SEPTIN2: variants seen among roughly 807,000 people sequenced by gnomAD.
The protein encoded by SEPTIN2 is septin-2.
A neutral mutation model predicts 46.5 loss-of-function variants in SEPTIN2; 34 were observed. The observed-to-expected ratio is 0.73, with a 90% CI of 0.56 to 0.97. SEPTIN2 has a LOEUF of 0.97. Among genes scored for constraint, SEPTIN2 ranks in the 50% least tolerant of loss-of-function variants. The pLI is 0.00. For missense variants in SEPTIN2, 347 were observed against 448.4 expected (o/e 0.77, Z 2.04); for synonymous variants, 175 against 153.4 (o/e 1.14, Z -1.04).
At chr2:241,326,873 A>C (rs2078060353) in intron 3 of SEPTIN2, among the ~76,000 whole-genome samples, 1 of 152,092 alleles carries the variant, frequency 6.6e-6, no homozygotes, top group Non-Finnish European at 1.5e-5. Context: ...CAGGAGTTGA[A>C]GATCAGGCTG....
chr2:241,335,440 G>C, intron 4 of SEPTIN2: 2 of 1,187,348 alleles, frequency 1.7e-6, no homozygotes, highest in Non-Finnish European at 2.4e-6. Flanking sequence ...GAGTTTGTCT[G>C]TAAAATGTAA....
At chr2:241,327,929 G>A (rs958951877) in intron 3 of SEPTIN2, among the ~76,000 whole-genome samples, 6 of 152,026 alleles carry the variant, frequency 3.9e-5, no homozygotes, top group African/African-American at 1.2e-4. Flanking sequence ...GGGGGATGCC[G>A]GTAGTCACAG....
At chr2:241,343,679 A>G (rs6707518) in intron 8 of SEPTIN2, 73 bp from the exon 9 acceptor site, 1,198,401 of 1,550,066 alleles carry the variant, frequency 0.77, 466,245 homozygotes, top group Admixed American at 0.86. Flanking sequence ...AGTCTGTGCT[A>G]ATGTTCTCGT....
intron 7 of SEPTIN2, 23 bp from the exon 8 acceptor site, chr2:241,342,969 T>C (rs1178418871): frequency 6.6e-6 from 9 of 1,372,772 alleles, no homozygotes; most frequent in African/African-American, 1.4e-5. Context: ...CTAAAATTGA[T>C]CCTGGTTTTG....
chr2:241,338,950 TATATAATATATATTATAA>T (rs2080820588), intron 7 of SEPTIN2, among the ~76,000 whole-genome samples: 1 of 100,960 alleles, frequency 9.9e-6, no homozygotes, highest in Non-Finnish European at 1.8e-5. Flanking sequence ...ATATATTATA[TATATAATATATATTATAA>T]ATATAATATA....
Position 241,352,380 on chromosome 2 carries a change from C to T in SEPTIN2, c.*443C>T. 6.6e-6 allele frequency: 1 copy of T among 152,612 alleles called. No homozygotes were observed. Among genetic ancestry groups the T allele is most frequent in the Non-Finnish European group, 1.5e-5 (1 of 68,044 alleles). The allele number at this position is 152,612 out of a possible 1,614,324, so 9.5% of individuals were successfully genotyped here. On this transcript the variant is annotated 3_prime_UTR_variant, in exon 13 of 13. Coordinates refer to ENST00000391971, the MANE Select transcript of SEPTIN2 (RefSeq NM_004404.5). ...GTGTGCCTAGTGATGTAGAAAGATA[C>T]ACTGACTTGGTGCAAGGCCATCTGC...
intron 7 of SEPTIN2, among the ~76,000 whole-genome samples, chr2:241,340,804 A>C (rs1478926806): frequency 6.6e-6 from 1 of 152,064 alleles, no homozygotes; most frequent in East Asian, 1.9e-4. Context: ...CTTGATGCCT[A>C]CCAGTTTGTT....
chr2:241,329,493 A>G (rs2078620450), intron 3 of SEPTIN2, among the ~76,000 whole-genome samples: 1 of 152,220 alleles, frequency 6.6e-6, no homozygotes, highest in Non-Finnish European at 1.5e-5. Flanking sequence ...CCTATTACAA[A>G]TGACAAGAAA....
chr2:241,348,451 G>A (rs996159960), intron 11 of SEPTIN2, among the ~76,000 whole-genome samples: 5 of 152,026 alleles, frequency 3.3e-5, no homozygotes, highest in African/African-American at 4.8e-5. Context: ...GGCTGGTCTC[G>A]AACTCCTAAC....
intron 9 of SEPTIN2, among the ~76,000 whole-genome samples, chr2:241,345,604 A>C (rs1207967712): frequency 6.6e-6 from 1 of 152,226 alleles, no homozygotes; most frequent in Non-Finnish European, 1.5e-5. Context: ...CAATTAAAAA[A>C]AATTTTTTAA....
intron 1 of SEPTIN2, among the ~76,000 whole-genome samples, chr2:241,321,935 G>A (rs1559593215): frequency 6.6e-6 from 1 of 152,000 alleles, no homozygotes; most frequent in Non-Finnish European, 1.5e-5. Flanking sequence ...TTTCCCTTTA[G>A]GAAGTTCTAC....
chr2:241,347,258 T>A (rs1476211332), intron 10 of SEPTIN2, among the ~76,000 whole-genome samples: 1 of 152,166 alleles, frequency 6.6e-6, no homozygotes, highest in Non-Finnish European at 1.5e-5. Context: ...CAACAAAAGT[T>A]TCCTGTGTTG....
intron 3 of SEPTIN2, among the ~76,000 whole-genome samples, chr2:241,330,216 A>G (rs2078765819): frequency 6.6e-6 from 1 of 152,214 alleles, no homozygotes; most frequent in African/African-American, 2.4e-5. Flanking sequence ...GTTTCTAAAA[A>G]AATCACCATG....
intron 1 of SEPTIN2, chr2:241,318,283 C>CT (rs772408841): frequency 3.9e-5 from 6 of 152,256 alleles, no homozygotes; most frequent in Non-Finnish European, 8.8e-5. Context: ...GAGAGGTGCT[C>CT]TATGGTATTT....
chr2:241,349,982 A>G, intron 11 of SEPTIN2, 91 bp from the exon 12 acceptor site: 1 of 1,257,292 alleles, frequency 8.0e-7, no homozygotes, highest in Non-Finnish European at 1.1e-6. Context: ...GAAGGTGTAG[A>G]AGTTGAAATT....
chr2:241,352,961 G>A lies in SEPTIN2; in HGVS notation c.*1024G>A, dbSNP rs1231584326. On this transcript the variant is annotated 3_prime_UTR_variant, in exon 13 of 13. Transcript: ENST00000391971. ...TGTGGAAATTGGGGTCTGTTGGTGG[G>A]CGTGCCCCTGAAGCCTGGCTTGGGT... is the stretch of plus-strand genomic sequence containing the variant. 2 of 152,218 alleles carry A rather than the reference G, an allele frequency of 1.3e-5. No individual in the cohort carries two copies. Among genetic ancestry groups the A allele is most frequent in the African/African-American group, 4.8e-5 (2 of 41,432 alleles). The allele number at this position is 152,218 out of a possible 1,614,324, so 9.4% of individuals were successfully genotyped here.
chr2:241,338,830 A>ATACATATTATATTTATATTATT (rs1559643336), intron 7 of SEPTIN2, among the ~76,000 whole-genome samples: 4 of 98,360 alleles, frequency 4.1e-5, no homozygotes, highest in Non-Finnish European at 5.3e-5. Context: ...TTTATATATA[A>ATACATATTATATTTATATTATT]TATATATAAT....
intron 3 of SEPTIN2, among the ~76,000 whole-genome samples, chr2:241,330,613 C>T (rs375709298): frequency 6.6e-6 from 1 of 152,214 alleles, no homozygotes; most frequent in South Asian, 2.1e-4. Flanking sequence ...TAAACACTGT[C>T]TTCTGTATTC....
Position 241,337,751 on chromosome 2 carries a change from C to T in SEPTIN2, c.555C>T (p.Asp185=). Residue 185 remains aspartate (D), a synonymous_variant, in exon 7 of 13, where the codon GAC becomes GAT. Transcript: ENST00000391971. ...TTGTGCCTGTCATTGCAAAAGCTGA[C>T]ACTCTCACCCTGAAGGAACGGGAGC... ...VNIVPVIAKA[D]TLTLKERERL... is the part of the protein sequence containing the mutation. The T allele has an allele frequency of 1.9e-6, 3 of 1,614,038 alleles. No homozygotes were observed. The highest frequency in any genetic ancestry group is 2.5e-6 in the Non-Finnish European group (3 of 1,179,984).
Sources: gnomAD v4.1 joint callset for allele counts (sites outside exome capture counted in the v4.1 genomes callset) on GRCh38, gnomAD v4.1.1 for gene constraint, MANE v1.5 for transcripts, NCBI Gene and HGNC (gene_info 2026-07-23, HGNC 2026-07-21) for gene names.